The following BTG4 variants were observed in gnomAD, a reference collection of about 807,000 sequenced individuals.
The protein encoded by BTG4 is BTG anti-proliferation factor 4.
In BTG4, 10 loss-of-function variants were observed where a neutral mutation model predicts 19.3. That is an observed-to-expected ratio of 0.52 (90% confidence interval 0.32 to 0.88). BTG4 has a LOEUF of 0.88. Ranked by LOEUF, BTG4 falls within the 40% of genes least tolerant of loss-of-function variation. BTG4 has a pLI of 0.04. For missense variants in BTG4, 238 were observed against 281.9 expected (o/e 0.84, Z 1.11); for synonymous variants, 91 against 95.7 (o/e 0.95, Z 0.29).
chr11:111,497,195 C>T lies in BTG4; in HGVS notation c.510+16G>A, dbSNP rs780075489. The T allele has an allele frequency of 1.2e-6, 2 of 1,602,242 alleles. No homozygotes were observed. The highest frequency in any genetic ancestry group is 8.5e-7 in the Non-Finnish European group (1 of 1,172,772). On this transcript the variant is annotated intron_variant, in intron 4 of 4. Coordinates refer to ENST00000692032, the MANE Select transcript of BTG4 (RefSeq NM_001367975.1). ...GATAGAAAAAAAGTATAGAAAAGAA[C>T]TGGAACACTCTTGACCTGATAAATA...
chr11:111,451,364 G>A, the BTG4 span: 8 of 449,800 alleles, frequency 1.8e-5, no homozygotes, highest in South Asian at 3.1e-5. Context: ...TCCAAAAGCC[G>A]GGCATTTATG....
chr11:111,395,074 A>T, the BTG4 span, among the ~76,000 whole-genome samples: 1 of 152,304 alleles, frequency 6.6e-6, no homozygotes, highest in Admixed American at 6.5e-5. Context: ...AATAGTGGAG[A>T]ATTTTTTCCT....
intron 1 of BTG4, among the ~76,000 whole-genome samples, chr11:111,509,521 C>A (rs1866709457): frequency 6.6e-6 from 1 of 151,696 alleles, no homozygotes. Context: ...ATAGTGAAAC[C>A]CCATCTCTAC....
the BTG4 span, among the ~76,000 whole-genome samples, chr11:111,427,946 T>C: frequency 6.6e-6 from 1 of 152,098 alleles, no homozygotes; most frequent in African/African-American, 2.4e-5. Context: ...TGAGGACACA[T>C]ACAGCTCTGT....
At chr11:111,503,306 C>T (rs2135711542) in intron 1 of BTG4, among the ~76,000 whole-genome samples, 1 of 152,318 alleles carries the variant, frequency 6.6e-6, no homozygotes, top group Non-Finnish European at 1.5e-5. Context: ...GTATACTGAG[C>T]TTTCAATGGC....
the BTG4 span, among the ~76,000 whole-genome samples, chr11:111,435,303 C>T: frequency 3.3e-4 from 50 of 152,254 alleles, no homozygotes; most frequent in African/African-American, 1.2e-3. Context: ...ATGGAAAGCA[C>T]TCGGGGGTAG....
intron 5 of BTG4, among the ~76,000 whole-genome samples, chr11:111,486,395 C>T (rs1865063697): frequency 6.6e-6 from 1 of 152,128 alleles, no homozygotes; most frequent in African/African-American, 2.4e-5. Flanking sequence ...CAAGATCACA[C>T]CCCTGCACTC....
chr11:111,443,628 G>T, the BTG4 span, among the ~76,000 whole-genome samples: 1 of 152,208 alleles, frequency 6.6e-6, no homozygotes, highest in South Asian at 2.1e-4. Flanking sequence ...TTGGGATCAT[G>T]GAAATTAAGT....
the BTG4 span, among the ~76,000 whole-genome samples, chr11:111,438,154 C>CT: frequency 1.8e-4 from 27 of 152,194 alleles, no homozygotes; most frequent in African/African-American, 6.3e-4. Flanking sequence ...CATCAACAGA[C>CT]GGGACACAGA....
At chr11:111,444,796 G>A in the BTG4 span, among the ~76,000 whole-genome samples, 35 of 152,230 alleles carry the variant, frequency 2.3e-4, no homozygotes, top group African/African-American at 7.7e-4. Flanking sequence ...ACAGAAAAAG[G>A]AATGGTGGAA....
chr11:111,504,851 A>G lies in BTG4; in HGVS notation c.-26-6049T>C, dbSNP rs1351726035. ...ATTGAAGCTGAGAACCAAATTAAGA[A>G]TCCAATCCCACTTAGGATAGCCACG... On this transcript the variant is annotated intron_variant, in intron 1 of 4. Coordinates refer to ENST00000692032, the MANE Select transcript of BTG4 (RefSeq NM_001367975.1). 2.6e-5 allele frequency among the ~76,000 whole-genome samples: 4 copies of G among 152,132 alleles called. No individual in the cohort carries two copies. The East Asian group carries it at 7.7e-4, about 29-fold the overall frequency.
chr11:111,429,153 C>T, the BTG4 span, among the ~76,000 whole-genome samples: 7 of 152,240 alleles, frequency 4.6e-5, no homozygotes, highest in Non-Finnish European at 8.8e-5. Context: ...TATCTAATTC[C>T]GGGACATTTC....
chr11:111,467,450 C>T (rs909712579), downstream of BTG4: 2 of 484,900 alleles, frequency 4.1e-6, no homozygotes, highest in East Asian at 3.4e-5. Flanking sequence ...TAAATTAATG[C>T]CCCAATGCAT....
At chr11:111,385,279 A>T in the BTG4 span, 1 of 152,276 alleles carries the variant, frequency 6.6e-6, no homozygotes, top group East Asian at 1.9e-4. Context: ...GGATGTATTT[A>T]AAAATTACAA....
intron 5 of BTG4, among the ~76,000 whole-genome samples, chr11:111,468,750 T>C (rs1863878774): frequency 6.6e-6 from 1 of 152,200 alleles, no homozygotes; most frequent in Admixed American, 6.5e-5. Context: ...CTGTGATCCT[T>C]AGACCTCCTG....
downstream of BTG4, chr11:111,464,576 TG>T (rs1179338403): frequency 1.3e-5 from 2 of 152,270 alleles, no homozygotes; most frequent in African/African-American, 4.8e-5. Flanking sequence ...TGACATCATC[TG>T]GACTTCACCA....
chr11:111,490,329 A>AAAGAAATGATC (rs1865338106), downstream of BTG4, among the ~76,000 whole-genome samples: 14 of 152,248 alleles, frequency 9.2e-5, no homozygotes, highest in South Asian at 2.7e-3. Flanking sequence ...TTCCTAACAC[A>AAAGAAATGATC]AAGAAATGAT....
At chr11:111,438,800 C>T in the BTG4 span, among the ~76,000 whole-genome samples, 100 of 152,296 alleles carry the variant, frequency 6.6e-4, no homozygotes, top group African/African-American at 1.9e-3. Flanking sequence ...CTAAAGAAGG[C>T]GTGATGTGGT....
chr11:111,436,202 C>A, the BTG4 span, among the ~76,000 whole-genome samples: 1 of 152,164 alleles, frequency 6.6e-6, no homozygotes, highest in Non-Finnish European at 1.5e-5. Context: ...CTTCATTTCA[C>A]CCTCGATCAG....
Sources: gnomAD v4.1 joint callset for allele counts (sites outside exome capture counted in the v4.1 genomes callset) on GRCh38, gnomAD v4.1.1 for gene constraint, MANE v1.5 for transcripts, NCBI Gene and HGNC (gene_info 2026-07-23, HGNC 2026-07-21) for gene names.